FBXO42: variants seen among roughly 807,000 people sequenced by gnomAD.
The protein encoded by FBXO42 is F-box only protein 42.
Under a neutral mutation model 71.7 loss-of-function variants are expected in FBXO42, and 12 were observed. The observed-to-expected ratio is 0.17, with a 90% CI of 0.11 to 0.27. FBXO42 has a LOEUF of 0.27. Ranked by LOEUF, FBXO42 falls within the 10% of genes least tolerant of loss-of-function variation. The probability of loss-of-function intolerance (pLI) is 1.00; values close to 1 mark genes in which losing one functional copy is unlikely to be tolerated. For synonymous variants in FBXO42, 325 were observed against 327.5 expected (o/e 0.99, Z 0.08); for missense variants, 707 against 911.9 (o/e 0.78, Z 2.89).
At chr1:16,299,747 C>T (rs1455230989) in intron 3 of FBXO42, among the ~76,000 whole-genome samples, 5 of 152,076 alleles carry the variant, frequency 3.3e-5, no homozygotes, top group East Asian at 1.9e-4. Context: ...TGGGTTCAAG[C>T]GATTTTCCTG....
At chr1:16,268,910 G>A (rs2081807678) in intron 4 of FBXO42, among the ~76,000 whole-genome samples, 1 of 150,522 alleles carries the variant, frequency 6.6e-6, no homozygotes, top group Non-Finnish European at 1.5e-5. Context: ...ACTTGAACCC[G>A]GGATTCTCCG....
At chr1:16,313,319 GAAAAC>G (rs1557597863) in intron 2 of FBXO42, among the ~76,000 whole-genome samples, 20 of 105,002 alleles carry the variant, frequency 1.9e-4, no homozygotes, top group African/African-American at 9.3e-4. Flanking sequence ...AAAGAGAAAA[GAAAAC>G]AAAGAAAGAA....
intron 1 of FBXO42, among the ~76,000 whole-genome samples, chr1:16,342,286 CTCAGGAGGCTGAG>C (rs1405890753): frequency 6.6e-6 from 1 of 151,194 alleles, no homozygotes; most frequent in Non-Finnish European, 1.5e-5. Flanking sequence ...ATCCCAGCTA[CTCAGGAGGCTGAG>C]GCAGGAGAAT....
At chr1:16,258,261 T>G (rs2081667813) in intron 4 of FBXO42, among the ~76,000 whole-genome samples, 3 of 152,178 alleles carry the variant, frequency 2.0e-5, no homozygotes, top group Admixed American at 6.5e-5. Context: ...TGATCTCACT[T>G]AGGGGAACAA....
chr1:16,327,426 G>A (rs1475520604), intron 1 of FBXO42, among the ~76,000 whole-genome samples: 1 of 152,158 alleles, frequency 6.6e-6, no homozygotes, highest in Non-Finnish European at 1.5e-5. Context: ...GTGCAATACT[G>A]TCAGAAGCCT....
intron 4 of FBXO42, among the ~76,000 whole-genome samples, chr1:16,268,793 G>A (rs533291964): frequency 6.6e-6 from 1 of 152,040 alleles, no homozygotes; most frequent in African/African-American, 2.4e-5. Flanking sequence ...GAGAAACCCC[G>A]TCTCTACTAA....
At chr1:16,301,687 C>A (rs12027770) in intron 3 of FBXO42, among the ~76,000 whole-genome samples, 1,802 of 133,112 alleles carry the variant, frequency 0.014, 36 homozygotes, top group East Asian at 0.045. Flanking sequence ...AAAAAAACAA[C>A]AAAAAAAAAA....
At chr1:16,313,353 A>T (rs1293995218) in intron 2 of FBXO42, among the ~76,000 whole-genome samples, 3 of 151,680 alleles carry the variant, frequency 2.0e-5, no homozygotes, top group Non-Finnish European at 4.4e-5. Context: ...AGAAAGAAAG[A>T]AAGAAAGAAA....
chr1:16,327,785 C>G (rs1341783321), intron 1 of FBXO42, among the ~76,000 whole-genome samples: 2 of 152,172 alleles, frequency 1.3e-5, no homozygotes, highest in African/African-American at 2.4e-5. Context: ...TCACTGCAAC[C>G]TCTGCCTCCA....
chr1:16,251,353 C>T lies in FBXO42; in HGVS notation c.1471G>A (p.Asp491Asn), dbSNP rs1473666766. 1 of 1,614,202 alleles carries T rather than the reference C, an allele frequency of 6.2e-7. No individual in the cohort carries two copies. Among genetic ancestry groups the T allele is most frequent in the Non-Finnish European group, 8.5e-7 (1 of 1,180,030 alleles). The change falls in exon 10 of 10, where the codon GAT (aspartate) becomes AAT (asparagine). Residue 491 changes from aspartate to asparagine, a missense_variant. Physicochemically the swap from Asp to Asn is conservative, Grantham distance 23. Transcript: ENST00000375592. This position sits in a 1 kb window ranked among gnomAD's most constrained non-coding sequence, Gnocchi z 4.5. ...GATCCTAATCTCAGATCTTTCTGAT[C>T]TGGTAGTGATCCTCGTCGGGGGGCC... ...SLAPRRGSLP[D>N]QKDLRLGSID...
chr1:16,273,215 A>C (rs988681069), intron 4 of FBXO42, among the ~76,000 whole-genome samples: 1 of 152,174 alleles, frequency 6.6e-6, no homozygotes, highest in Non-Finnish European at 1.5e-5. Flanking sequence ...CAAATGAAAA[A>C]GTATGCCTCC....
chr1:16,255,636 T>C (rs1431960538), intron 6 of FBXO42, 75 bp downstream of exon 6: 3 of 1,273,272 alleles, frequency 2.4e-6, no homozygotes, highest in Non-Finnish European at 3.3e-6. Flanking sequence ...ACCTGGTCCC[T>C]AATTCACTTT....
chr1:16,349,154 T>C (rs929721563), intron 1 of FBXO42, among the ~76,000 whole-genome samples: 2 of 152,188 alleles, frequency 1.3e-5, no homozygotes, highest in African/African-American at 4.8e-5. Context: ...TGACAGAATT[T>C]TTTTTCAAGT....
chr1:16,289,593 T>C (rs951353672), intron 4 of FBXO42, among the ~76,000 whole-genome samples: 13 of 152,076 alleles, frequency 8.5e-5, no homozygotes, highest in African/African-American at 2.9e-4. Context: ...TCCTCTAACA[T>C]GTCCTTTTCT....
At chr1:16,262,068 T>C (rs1299637343) in intron 4 of FBXO42, among the ~76,000 whole-genome samples, 1 of 152,240 alleles carries the variant, frequency 6.6e-6, no homozygotes, top group Admixed American at 6.5e-5. Flanking sequence ...GGCATATTTA[T>C]TGCAAATTGG....
chr1:16,322,776 A>C (rs576515329), intron 1 of FBXO42, among the ~76,000 whole-genome samples: 1 of 152,186 alleles, frequency 6.6e-6, no homozygotes, highest in South Asian at 2.1e-4. Context: ...AGAAACAAAA[A>C]CCTCCCTAAG....
Position 16,350,755 on chromosome 1 carries a change from AAAAAAG to A in FBXO42, c.-18+1494_-18+1499del, listed in dbSNP as rs1445924117. Among the ~76,000 whole-genome samples the A allele has an allele frequency of 1.7e-3, 248 of 143,396 alleles. 1 individual carries two copies. Among genetic ancestry groups the A allele is most frequent in the African/African-American group, 6.1e-3 (239 of 39,436 alleles). The allele number at this position is 143,396 out of a possible 152,430, so 94.1% of individuals were successfully genotyped here. ...GAGTGAGAAACTGCAAAAAAAAAAAAAAAAAGAAAGAAAGAAAGAAAGAAAGAAAGA... is the reference window on the plus strand; with the variant it reads ...GAGTGAGAAACTGCAAAAAAAAAAAAAAAGAAAGAAAGAAAGAAAGAAAGA... On this transcript the variant is annotated intron_variant, in intron 1 of 9. Coordinates refer to ENST00000375592, the MANE Select transcript of FBXO42 (RefSeq NM_018994.3).
intron 1 of FBXO42, among the ~76,000 whole-genome samples, chr1:16,344,050 T>C (rs1490239952): frequency 3.3e-5 from 5 of 151,248 alleles, no homozygotes; most frequent in Non-Finnish European, 2.9e-5. Context: ...AAGGCTGGAG[T>C]GCAATGGCGC....
chr1:16,251,002 G>C lies in FBXO42; in HGVS notation c.1822C>G (p.Gln608Glu). The change falls in exon 10 of 10, where the codon CAA becomes GAA. Residue 608 changes from glutamine to glutamate, a missense_variant. Physicochemically the swap from Gln to Glu is conservative, Grantham distance 29. Coordinates refer to ENST00000375592, the MANE Select transcript of FBXO42 (RefSeq NM_018994.3). The surrounding 1 kb of genome is among the most constrained non-coding windows in gnomAD (Gnocchi z 4.5). ...TVPIPRPGPAQGDGHSLPPIA... is the reference protein window; with the variant it reads ...TVPIPRPGPAEGDGHSLPPIA... ...GGAGGTAAGGAATGTCCATCTCCTT[G>C]GGCAGGCCCTGGGCGAGGGATGGGC... 6.2e-7 allele frequency: 1 copy of C among 1,614,202 alleles called. No individual in the cohort carries two copies. Among genetic ancestry groups the C allele is most frequent in the Non-Finnish European group, 8.5e-7 (1 of 1,180,038 alleles).
Sources: gnomAD v4.1 joint callset for allele counts (sites outside exome capture counted in the v4.1 genomes callset) on GRCh38, gnomAD v4.1.1 for gene constraint, Gnocchi (gnomAD v3.1) non-coding constraint, MANE v1.5 for transcripts, NCBI Gene and HGNC (gene_info 2026-07-23, HGNC 2026-07-21) for gene names.